GLIS3: variants seen among roughly 807,000 people sequenced by gnomAD.
The protein encoded by GLIS3 is zinc finger protein GLIS3.
Under a neutral mutation model 78.6 loss-of-function variants are expected in GLIS3, and 53 were observed. That is an observed-to-expected ratio of 0.67 (90% confidence interval 0.54 to 0.85). The LOEUF (loss-of-function observed/expected upper bound fraction) is 0.85, where lower values mean the gene tolerates loss of function less well. Among genes scored for constraint, GLIS3 ranks in the 40% least tolerant of loss-of-function variants. GLIS3 has a pLI of 0.00. For synonymous variants in GLIS3, 684 were observed against 509.9 expected, an observed-to-expected ratio of 1.34 and a Z score of -4.60; for missense variants, 1,703 against 1,231.1, an observed-to-expected ratio of 1.38 and a Z score of -5.74.
In GLIS3 at chr9:4,278,404, T is replaced by C. The variant is rs570468030; in HGVS notation, c.388+7634A>G. ...AGCCTAGAACATCTTGTTATGCCTG[T>C]AAGCAAGGAAGTACTTAATGGGAAC... On this transcript the variant is annotated intron_variant, in intron 2 of 10. Coordinates refer to ENST00000381971, the MANE Select transcript of GLIS3 (RefSeq NM_001042413.2). Among the ~76,000 whole-genome samples, 9 of 152,258 alleles carry C rather than the reference T, an allele frequency of 5.9e-5. 1 individual carries two copies. The South Asian group carries it at 1.7e-3, about 28-fold the overall frequency.
intron 2 of GLIS3, among the ~76,000 whole-genome samples, chr9:4,245,455 G>T (rs1480384639): frequency 6.6e-6 from 1 of 152,144 alleles, no homozygotes; most frequent in African/African-American, 2.4e-5. Flanking sequence ...CATAACACTA[G>T]ACCTACTTAC....
intron 2 of GLIS3, among the ~76,000 whole-genome samples, chr9:4,265,994 C>A (rs1563861554): frequency 1.3e-5 from 2 of 151,986 alleles, no homozygotes; most frequent in South Asian, 4.1e-4. Context: ...TCTCGGCTCA[C>A]TGCAAGCTCC....
chr9:4,055,717 C>T (rs879558366), intron 4 of GLIS3, among the ~76,000 whole-genome samples: 28 of 152,164 alleles, frequency 1.8e-4, no homozygotes, highest in Admixed American at 1.4e-3. Context: ...AAATAAAATG[C>T]ACAAAGGCTT....
intron 2 of GLIS3, among the ~76,000 whole-genome samples, chr9:4,314,173 G>A (rs1817405116): frequency 6.6e-6 from 1 of 152,218 alleles, no homozygotes; most frequent in Non-Finnish European, 1.5e-5. Flanking sequence ...TGAGGATTAA[G>A]TGAATTAATA....
At chr9:4,162,086 G>A (rs1294946405) in intron 2 of GLIS3, among the ~76,000 whole-genome samples, 1 of 152,074 alleles carries the variant, frequency 6.6e-6, no homozygotes, top group Non-Finnish European at 1.5e-5. Flanking sequence ...TCTGGTGGTT[G>A]CCAGCAACAC....
At chr9:4,365,310 C>G in the GLIS3 span, among the ~76,000 whole-genome samples, 30 of 152,152 alleles carry the variant, frequency 2.0e-4, 1 homozygote, top group East Asian at 5.6e-3. Flanking sequence ...TGCCTGTAAT[C>G]ACTTTGGGAG....
chr9:4,175,537 T>C (rs1437977825), intron 2 of GLIS3, among the ~76,000 whole-genome samples: 2 of 152,046 alleles, frequency 1.3e-5, no homozygotes, highest in Admixed American at 6.5e-5. Flanking sequence ...ACACACGAGG[T>C]TCTTAACCGT....
At chr9:3,842,540 A>G (rs896306627) in intron 9 of GLIS3, among the ~76,000 whole-genome samples, 4 of 152,100 alleles carry the variant, frequency 2.6e-5, no homozygotes, top group Admixed American at 1.3e-4. Context: ...GTCACAGGCA[A>G]ATTGCTTCCT....
intron 2 of GLIS3, among the ~76,000 whole-genome samples, chr9:4,217,338 T>A (rs184148821): frequency 5.2e-4 from 79 of 152,284 alleles, no homozygotes; most frequent in African/African-American, 1.9e-3. Flanking sequence ...AAAATAAAAA[T>A]TTTAAAAACT....
intron 4 of GLIS3, among the ~76,000 whole-genome samples, chr9:3,991,937 G>T (rs530771032): frequency 1.3e-5 from 2 of 152,164 alleles, no homozygotes; most frequent in East Asian, 1.9e-4. Flanking sequence ...TGATCCGCCC[G>T]CCTCGGCCTC....
intron 4 of GLIS3, among the ~76,000 whole-genome samples, chr9:3,944,368 G>T (rs1269618603): frequency 6.6e-6 from 1 of 152,188 alleles, no homozygotes; most frequent in Admixed American, 6.5e-5. Context: ...ACTGGGAAAA[G>T]AACATTCACA....
chr9:4,052,381 A>T (rs1306684654), intron 4 of GLIS3, among the ~76,000 whole-genome samples: 1 of 152,156 alleles, frequency 6.6e-6, no homozygotes, highest in Non-Finnish European at 1.5e-5. Flanking sequence ...TACATACTTC[A>T]TGATATTAAA....
intron 4 of GLIS3, among the ~76,000 whole-genome samples, chr9:4,060,104 C>T (rs1460909937): frequency 2.0e-5 from 3 of 152,042 alleles, no homozygotes; most frequent in South Asian, 4.2e-4. Flanking sequence ...GCCCTGGTAG[C>T]GCATATCAAG....
intron 4 of GLIS3, among the ~76,000 whole-genome samples, chr9:3,990,272 C>T (rs138267148): frequency 6.6e-6 from 1 of 152,294 alleles, no homozygotes; most frequent in East Asian, 1.9e-4. Context: ...GGGAATGTTA[C>T]ATTAACATAA....
chr9:4,352,908 T>G (rs1253173481), upstream of GLIS3, among the ~76,000 whole-genome samples: 3 of 152,120 alleles, frequency 2.0e-5, no homozygotes, highest in African/African-American at 7.2e-5. Context: ...AAAAATCCAG[T>G]TTTCTATACA....
At chr9:4,263,268 G>A (rs1825693200) in intron 2 of GLIS3, among the ~76,000 whole-genome samples, 1 of 152,176 alleles carries the variant, frequency 6.6e-6, no homozygotes, top group African/African-American at 2.4e-5. Context: ...GTGATTCTGT[G>A]TTGATGGGTG....
At chr9:4,213,490 T>C (rs1205430343) in intron 2 of GLIS3, among the ~76,000 whole-genome samples, 2 of 152,238 alleles carry the variant, frequency 1.3e-5, no homozygotes, top group Non-Finnish European at 2.9e-5. Context: ...ACATTTGCAC[T>C]CTCCACTATG....
At chr9:4,177,743 G>C (rs149857003) in intron 2 of GLIS3, among the ~76,000 whole-genome samples, 1 of 152,230 alleles carries the variant, frequency 6.6e-6, no homozygotes, top group South Asian at 2.1e-4. Context: ...TCTTCATATG[G>C]AAAGTGTTCC....
chr9:3,947,096 T>C (rs1816354101), intron 4 of GLIS3, among the ~76,000 whole-genome samples: 1 of 152,210 alleles, frequency 6.6e-6, no homozygotes, highest in African/African-American at 2.4e-5. Flanking sequence ...TCCCAGGTTA[T>C]AACTATGCTT....
Sources: gnomAD v4.1 joint callset for allele counts (sites outside exome capture counted in the v4.1 genomes callset) on GRCh38, gnomAD v4.1.1 for gene constraint, MANE v1.5 for transcripts, NCBI Gene and HGNC (gene_info 2026-07-23, HGNC 2026-07-21) for gene names.